The following ANKHD1 variants were observed in gnomAD, a reference collection of about 807,000 sequenced individuals.
ANKHD1 encodes ankyrin repeat and KH domain-containing protein 1.
In ANKHD1, 31 loss-of-function variants were observed where a neutral mutation model predicts 230.5. The ratio of observed to expected loss-of-function variants is 0.13; its 90% CI spans 0.10 to 0.18. ANKHD1 has a LOEUF of 0.18. Among genes scored for constraint, ANKHD1 ranks in the 10% least tolerant of loss-of-function variants. The pLI is 1.00. For synonymous variants in ANKHD1, 1,074 were observed against 1,117.6 expected, an observed-to-expected ratio of 0.96 and a Z score of 0.78; for missense variants, 2,256 against 3,071.3, an observed-to-expected ratio of 0.73 and a Z score of 6.27.
At position 140,497,179 on chromosome 5, in the gene ANKHD1, A is replaced by G. The variant is rs1225082938; in HGVS notation, c.2905A>G (p.Thr969Ala). 3 of 1,613,644 alleles carry G rather than the reference A, an allele frequency of 1.9e-6. No individual in the cohort carries two copies. Among genetic ancestry groups the G allele is most frequent in the Non-Finnish European group, 2.5e-6 (3 of 1,180,012 alleles). Reference protein sequence around the residue: ...QIVGQPQIAITGHDQGLLVQE... With the variant: ...QIVGQPQIAIAGHDQGLLVQE... ...TGTAGGACAGCCTCAGATTGCTATT[A>G]CTGGACATGATCAGGGGCTGTTAGT... The change falls in exon 15 of 34, where the codon ACT (threonine) becomes GCT (alanine). Residue 969 changes from threonine to alanine, a missense_variant. Physicochemically the swap from Thr to Ala is moderately conservative, Grantham distance 58. Transcript: ENST00000360839.
At chr5:140,402,629 C>CA (rs1335039933) in intron 1 of ANKHD1, among the ~76,000 whole-genome samples, 1 of 152,198 alleles carries the variant, frequency 6.6e-6, no homozygotes, top group Non-Finnish European at 1.5e-5. Flanking sequence ...GAGAGACAAA[C>CA]AGAGACAGAG....
intron 15 of ANKHD1, among the ~76,000 whole-genome samples, chr5:140,501,884 A>T (rs4912713): frequency 0.063 from 9,584 of 152,184 alleles, 326 homozygotes; most frequent in Middle Eastern, 0.13. Flanking sequence ...TACTGTACTT[A>T]CTTCTCTCAC....
At chr5:140,498,742 G>C (rs1433611246) in intron 15 of ANKHD1, among the ~76,000 whole-genome samples, 1 of 152,048 alleles carries the variant, frequency 6.6e-6, no homozygotes, top group Non-Finnish European at 1.5e-5. Flanking sequence ...GATGAACTGG[G>C]AATAACATTT....
At chr5:140,427,634 G>T (rs544352127) in intron 1 of ANKHD1, among the ~76,000 whole-genome samples, 2 of 139,328 alleles carry the variant, frequency 1.4e-5, no homozygotes, top group East Asian at 4.3e-4. Context: ...GGGGCGGCTG[G>T]CCGGGCGGGG....
chr5:140,461,234 T>C (rs1217897169), intron 9 of ANKHD1, among the ~76,000 whole-genome samples: 1 of 152,160 alleles, frequency 6.6e-6, no homozygotes, highest in Non-Finnish European at 1.5e-5. Context: ...CCGTCGAAGG[T>C]AACCAAGCTA....
At chr5:140,428,115 G>T (rs1307708672) in intron 1 of ANKHD1, among the ~76,000 whole-genome samples, 1 of 151,492 alleles carries the variant, frequency 6.6e-6, no homozygotes, top group Non-Finnish European at 1.5e-5. Flanking sequence ...TCCTAGATGG[G>T]ATGGCGGCTG....
At chr5:140,501,099 GTT>G (rs772838208) in intron 15 of ANKHD1, among the ~76,000 whole-genome samples, 1 of 136,928 alleles carries the variant, frequency 7.3e-6, no homozygotes, top group Non-Finnish European at 1.6e-5. Context: ...ATAGGTTTTT[GTT>G]TTTTTTTTTT....
At chr5:140,486,426 G>C (rs563018456) in intron 13 of ANKHD1, 7 of 152,394 alleles carry the variant, frequency 4.6e-5, no homozygotes, top group Admixed American at 4.6e-4. Flanking sequence ...AGTGACTTTT[G>C]TCAACCATGA....
chr5:140,498,477 AG>A (rs1211394207), intron 15 of ANKHD1, among the ~76,000 whole-genome samples: 5 of 152,226 alleles, frequency 3.3e-5, no homozygotes, highest in African/African-American at 1.2e-4. Flanking sequence ...ATCATTGTGC[AG>A]AGGAGGAATG....
intron 10 of ANKHD1, among the ~76,000 whole-genome samples, chr5:140,470,735 A>T (rs895377308): frequency 4.7e-5 from 7 of 149,456 alleles, no homozygotes. Context: ...GCAATCCTCC[A>T]CTTCAGCCTC....
intron 1 of ANKHD1, among the ~76,000 whole-genome samples, chr5:140,433,842 C>T (rs557413871): frequency 6.6e-6 from 1 of 151,802 alleles, no homozygotes; most frequent in South Asian, 2.1e-4. Context: ...ATGTTTTTAC[C>T]TGTCCTTCCA....
chr5:140,440,870 G>C, intron 4 of ANKHD1, 125 bp from the exon 5 acceptor site: 2 of 1,247,000 alleles, frequency 1.6e-6, no homozygotes, highest in Non-Finnish European at 2.0e-6. Context: ...TTTTTCAAAA[G>C]GTCATTATTG....
Position 140,401,921 on chromosome 5 carries a change from G to A in ANKHD1, c.-47G>A, listed in dbSNP as rs752212760. On this transcript the variant is annotated 5_prime_UTR_variant, in exon 1 of 34. Transcript: ENST00000360839. ...TCTCGTTCCCGAGATCAGCGGCGGC[G>A]GTGACCGCGAGTGGGTCGGCACCGT... 1.3e-6 allele frequency: 2 copies of A among 1,526,700 alleles called. No individual in the cohort carries two copies. Among genetic ancestry groups the A allele is most frequent in the Non-Finnish European group, 1.7e-6 (2 of 1,145,908 alleles). 94.6% of individuals were successfully genotyped at this position (1,526,700 alleles called of 1,614,324 possible).
chr5:140,529,514 C>G lies in ANKHD1; in HGVS notation c.6568C>G (p.Gln2190Glu). 6.2e-7 allele frequency: 1 copy of G among 1,614,222 alleles called. No individual in the cohort carries two copies. The highest frequency in any genetic ancestry group is 8.5e-7 in the Non-Finnish European group (1 of 1,180,040). Residue 2190 changes from glutamine (Q) to glutamate (E), a missense_variant, in exon 29 of 34, where the codon CAG becomes GAG. Gln to Glu is a conservative substitution (Grantham distance 29). Around this residue, in one of 13 missense-constraint regions of ANKHD1, gnomAD observed 778 missense variants for 966.5 expected, o/e 0.80. Transcript: ENST00000360839. The stretch of plus-strand genomic sequence containing the variant: ...AGCTGTGAACATTATGAATGGTTCT[C>G]AGATGCACATAAACCCAGCAAATAA... ...SSAVNIMNGS[Q>E]MHINPANKSL... is the part of the protein sequence containing the mutation.
At chr5:140,426,427 G>C (rs911615433) in intron 1 of ANKHD1, among the ~76,000 whole-genome samples, 9 of 152,208 alleles carry the variant, frequency 5.9e-5, no homozygotes, top group African/African-American at 2.2e-4. Flanking sequence ...ACTGCGCCCA[G>C]CTGGGAGCTT....
chr5:140,452,720 G>A (rs1344819461), intron 7 of ANKHD1, among the ~76,000 whole-genome samples: 1 of 152,016 alleles, frequency 6.6e-6, no homozygotes, highest in African/African-American at 2.4e-5. Context: ...CCATCTGTAC[G>A]TCACCATCAT....
intron 15 of ANKHD1, among the ~76,000 whole-genome samples, chr5:140,499,062 AATATT>A (rs1752162815): frequency 6.6e-6 from 1 of 152,034 alleles, no homozygotes; most frequent in Non-Finnish European, 1.5e-5. Context: ...CACATTGTAC[AATATT>A]CTTTTATTAA....
chr5:140,464,849 C>T, intron 10 of ANKHD1, 73 bp downstream of exon 10: 1 of 1,410,010 alleles, frequency 7.1e-7, no homozygotes. Flanking sequence ...TTAGAAAACA[C>T]TAAAGATCAA....
intron 1 of ANKHD1, among the ~76,000 whole-genome samples, chr5:140,433,985 G>T (rs558035382): frequency 6.6e-6 from 1 of 152,202 alleles, no homozygotes; most frequent in East Asian, 1.9e-4. Flanking sequence ...TGGCATCTTT[G>T]TCTGTAGTTA....
Sources: allele counts gnomAD v4.1 joint callset (sites outside exome capture counted in the v4.1 genomes callset), GRCh38; gene constraint gnomAD v4.1.1; regional missense constraint gnomAD v4.1.1; transcripts MANE v1.5; gene names NCBI Gene and HGNC (gene_info 2026-07-23, HGNC 2026-07-21).